Variants in PGGT1B observed in about 807,000 individuals in gnomAD.
PGGT1B encodes geranylgeranyl transferase type-1 subunit beta.
A neutral mutation model predicts 46.1 loss-of-function variants in PGGT1B; 30 were observed. The observed-to-expected ratio is 0.65, with a 90% confidence interval of 0.49 to 0.88. The LOEUF is 0.88. PGGT1B is among the 40% of genes least tolerant of loss of function. The probability of loss-of-function intolerance (pLI) is 0.00; values close to 1 mark genes in which losing one functional copy is unlikely to be tolerated. For missense variants in PGGT1B, 376 were observed against 455.9 expected (o/e 0.82, Z 1.60); for synonymous variants, 170 against 160.0 (o/e 1.06, Z -0.47).
intron 6 of PGGT1B, among the ~76,000 whole-genome samples, chr5:115,225,455 C>G (rs992651858): frequency 6.6e-6 from 1 of 152,122 alleles, no homozygotes; most frequent in African/African-American, 2.4e-5. Flanking sequence ...ACTTATTTTG[C>G]TCCCACAGGT....
chr5:115,225,714 C>G (rs903559360), intron 6 of PGGT1B, among the ~76,000 whole-genome samples: 1 of 149,382 alleles, frequency 6.7e-6, no homozygotes, highest in African/African-American at 2.5e-5. Context: ...GGTGTGATCT[C>G]GGCTCACTGC....
intron 5 of PGGT1B, among the ~76,000 whole-genome samples, chr5:115,232,411 T>C (rs923038007): frequency 6.6e-6 from 1 of 152,132 alleles, no homozygotes; most frequent in Admixed American, 6.6e-5. Flanking sequence ...GAAACTTAGA[T>C]TGTGGTCATT....
At position 115,211,212 on chromosome 5, in the gene PGGT1B, A is replaced by T. The variant is rs1459096776; in HGVS notation, c.*1190T>A. 1.3e-5 allele frequency: 2 copies of T among 152,058 alleles called. No individual in the cohort carries two copies. Among genetic ancestry groups the T allele is most frequent in the Admixed American group, 1.3e-4 (2 of 15,270 alleles). The allele number at this position is 152,058 out of a possible 1,614,324, so 9.4% of individuals were successfully genotyped here. On this transcript the variant is annotated 3_prime_UTR_variant, in exon 9 of 9. Coordinates refer to ENST00000419445, the MANE Select transcript of PGGT1B (RefSeq NM_005023.4). ...CTGAATGTCACTGAGCAAGTAACGGATATGAGTTATTGATAAATTAATTAC... is the reference window on the plus strand; with the variant it reads ...CTGAATGTCACTGAGCAAGTAACGGTTATGAGTTATTGATAAATTAATTAC...
intron 7 of PGGT1B, among the ~76,000 whole-genome samples, chr5:115,217,659 T>C (rs1756462413): frequency 6.6e-6 from 1 of 152,012 alleles, no homozygotes; most frequent in Non-Finnish European, 1.5e-5. Context: ...CAATTTAATA[T>C]ATGTTAATGA....
In PGGT1B at chr5:115,262,828, C is replaced by G; in HGVS notation, c.24G>C (p.Arg8Ser). 6.2e-7 allele frequency: 1 copy of G among 1,612,470 alleles called. No homozygotes were observed. Among genetic ancestry groups the G allele is most frequent in the Middle Eastern group, 2.1e-4 (1 of 4,710 alleles). MAATEDERLAGSGEGERL... is the reference protein window; with the variant it reads MAATEDESLAGSGEGERL... ...GCTCTCCCTCACCGCTCCCTGCTAG[C>G]CTCTCATCCTCAGTGGCCGCCATGC... The change falls in exon 1 of 9, where the codon AGG becomes AGC. Residue 8 changes from arginine (R) to serine (S), a missense_variant. This residue lies in a region of PGGT1B where 154 missense variants were observed against 142.3 expected (regional missense o/e 1.08). Transcript: ENST00000419445.
Position 115,219,308 on chromosome 5 carries a change from C to G in PGGT1B, c.844-2335G>C, listed in dbSNP as rs113443924. Among the ~76,000 whole-genome samples the G allele has an allele frequency of 6.3e-3, 961 of 151,868 alleles. 4 individuals are homozygous for G. Among genetic ancestry groups the G allele is most frequent in the Middle Eastern group, 0.014 (4 of 292 alleles). On this transcript the variant is annotated intron_variant, in intron 7 of 8. Coordinates refer to ENST00000419445, the MANE Select transcript of PGGT1B (RefSeq NM_005023.4). ...GAAACAAACCTCACATATATATAGT[C>G]AACTGACTTTTGACAAGGGTGCCAA... is the stretch of plus-strand genomic sequence containing the variant.
intron 2 of PGGT1B, among the ~76,000 whole-genome samples, chr5:115,252,503 T>C (rs1748145660): frequency 6.6e-6 from 1 of 152,002 alleles, no homozygotes; most frequent in Non-Finnish European, 1.5e-5. Flanking sequence ...AAGGTTAGAA[T>C]TTATAACATG....
At chr5:115,235,609 C>G (rs942714957) in intron 5 of PGGT1B, among the ~76,000 whole-genome samples, 6 of 152,034 alleles carry the variant, frequency 3.9e-5, no homozygotes, top group African/African-American at 1.2e-4. Flanking sequence ...CTATTCATAC[C>G]AAAAATTCTT....
Position 115,209,966 on chromosome 5 carries a change from CT to C in PGGT1B, c.*2435del, listed in dbSNP as rs1756174539. 6.6e-6 allele frequency: 1 copy of C among 152,000 alleles called. No homozygotes were observed. The highest frequency in any genetic ancestry group is 6.6e-5 in the Admixed American group (1 of 15,236). The allele number at this position is 152,000 out of a possible 1,614,324, so 9.4% of individuals were successfully genotyped here. ...CAGAGCACCTCCTCATTAACTGTCT[CT>C]CAAAAATGATCAGGTCCAACAGTTT... On this transcript the variant is annotated 3_prime_UTR_variant, in exon 9 of 9. Coordinates refer to ENST00000419445, the MANE Select transcript of PGGT1B (RefSeq NM_005023.4).
chr5:115,213,952 A>C (rs1756327172), intron 8 of PGGT1B, among the ~76,000 whole-genome samples: 1 of 152,202 alleles, frequency 6.6e-6, no homozygotes, highest in African/African-American at 2.4e-5. Context: ...CATGTTGATC[A>C]CCTTTTAGGC....
chr5:115,226,949 G>A (rs1160632217), intron 6 of PGGT1B, among the ~76,000 whole-genome samples: 4 of 151,986 alleles, frequency 2.6e-5, no homozygotes, highest in African/African-American at 9.7e-5. Flanking sequence ...ACAAGCAGAA[G>A]CAAGTGGAAA....
At chr5:115,255,921 T>G (rs1484955201) in intron 1 of PGGT1B, among the ~76,000 whole-genome samples, 1 of 152,150 alleles carries the variant, frequency 6.6e-6, no homozygotes, top group African/African-American at 2.4e-5. Flanking sequence ...AACTGCTCAT[T>G]AGAATCTGCT....
At chr5:115,252,262 A>T (rs1748134556) in intron 2 of PGGT1B, among the ~76,000 whole-genome samples, 1 of 152,100 alleles carries the variant, frequency 6.6e-6, no homozygotes, top group Non-Finnish European at 1.5e-5. Flanking sequence ...AAATAGGCAT[A>T]GATTTAAAAA....
At chr5:115,227,098 G>A (rs958484212) in intron 6 of PGGT1B, among the ~76,000 whole-genome samples, 6 of 152,142 alleles carry the variant, frequency 3.9e-5, no homozygotes, top group African/African-American at 1.4e-4. Context: ...TACAAAGCTA[G>A]ACTGGAATCA....
At chr5:115,232,227 C>T (rs1757012327) in intron 5 of PGGT1B, among the ~76,000 whole-genome samples, 1 of 151,988 alleles carries the variant, frequency 6.6e-6, no homozygotes, top group African/African-American at 2.4e-5. Flanking sequence ...TCTAGGTATA[C>T]CACCAGAAGA....
chr5:115,221,975 C>G lies in PGGT1B; in HGVS notation c.692G>C (p.Cys231Ser). 6.3e-7 allele frequency: 1 copy of G among 1,587,532 alleles called. No individual in the cohort carries two copies. Among genetic ancestry groups the G allele is most frequent in the Non-Finnish European group, 8.5e-7 (1 of 1,170,004 alleles). Residue 231 changes from cysteine (C) to serine (S), a missense_variant, in exon 7 of 9, where the codon TGT becomes TCT. Physicochemically the swap from Cys to Ser is moderately radical, Grantham distance 112 (BLOSUM62 -1). Transcript: ENST00000419445. ...GSTFCGIASLCLMGKLEEVFS... is the reference protein window; with the variant it reads ...GSTFCGIASLSLMGKLEEVFS... The stretch of plus-strand genomic sequence containing the variant: ...AACTTCTTCTAGTTTACCCATCAGA[C>G]ATAGTGAGGCAATGCCACAAAAAGT...
At chr5:115,235,754 C>T (rs960629799) in intron 5 of PGGT1B, among the ~76,000 whole-genome samples, 7 of 152,204 alleles carry the variant, frequency 4.6e-5, no homozygotes, top group Admixed American at 2.0e-4. Context: ...CACTGTTACA[C>T]ACTCACTTAA....
chr5:115,216,916 T>C lies in PGGT1B; in HGVS notation c.901A>G (p.Thr301Ala). The stretch of plus-strand genomic sequence containing the variant: ...AATCCCCCTACAAGGCGATCTTGAG[T>C]TGATAAGATGTAATTTCTATTTTTC... ...FEKNRNYILS[T>A]QDRLVGGFAK... Residue 301 changes from threonine to alanine, a missense_variant, in exon 8 of 9, where the codon ACT (threonine) becomes GCT (alanine). Transcript: ENST00000419445. 6.3e-7 allele frequency: 1 copy of C among 1,596,854 alleles called. No individual in the cohort carries two copies. Among genetic ancestry groups the C allele is most frequent in the Non-Finnish European group, 8.6e-7 (1 of 1,166,626 alleles).
chr5:115,246,996 T>A (rs572981294), intron 2 of PGGT1B, among the ~76,000 whole-genome samples: 3 of 152,234 alleles, frequency 2.0e-5, no homozygotes, highest in Admixed American at 2.0e-4. Flanking sequence ...ATGCAGGAAG[T>A]GTGTTATTAG....
Sources: gnomAD v4.1 joint callset for allele counts (sites outside exome capture counted in the v4.1 genomes callset) on GRCh38, gnomAD v4.1.1 for gene constraint, gnomAD v4.1.1 regional missense constraint, MANE v1.5 for transcripts, NCBI Gene and HGNC (gene_info 2026-07-23, HGNC 2026-07-21) for gene names.